CTXND1: variants seen among roughly 807,000 people sequenced by gnomAD.
CTXND1 encodes cortexin domain containing 1.
chr15:80,227,471 C>T (rs548598159), intron 1 of CTXND1, among the ~76,000 whole-genome samples: 1 of 152,190 alleles, frequency 6.6e-6, no homozygotes, highest in Non-Finnish European at 1.5e-5. Flanking sequence ...AGACATCCGG[C>T]TATATAAGGG....
chr15:80,246,811 T>C (rs1472525394), intron 1 of CTXND1, among the ~76,000 whole-genome samples: 2 of 152,196 alleles, frequency 1.3e-5, no homozygotes, highest in Non-Finnish European at 2.9e-5. Context: ...GGTTCAGGGA[T>C]CTGAGGTTGG....
At chr15:80,231,488 A>C (rs1179583781) in intron 1 of CTXND1, among the ~76,000 whole-genome samples, 2 of 152,218 alleles carry the variant, frequency 1.3e-5, no homozygotes, top group Non-Finnish European at 1.5e-5. Context: ...ACATGGCTCT[A>C]AACCATGGGA....
At chr15:80,210,165 A>G (rs983668815) in intron 1 of CTXND1, among the ~76,000 whole-genome samples, 2 of 152,158 alleles carry the variant, frequency 1.3e-5, no homozygotes, top group Admixed American at 6.5e-5. Flanking sequence ...TGGCCTCTGA[A>G]TCTCTCCAGA....
chr15:80,216,592 C>T (rs1389459909), intron 1 of CTXND1, among the ~76,000 whole-genome samples: 2 of 147,124 alleles, frequency 1.4e-5, no homozygotes, highest in East Asian at 4.0e-4. Flanking sequence ...ATCATCCAGT[C>T]CCTTCCATTA....
At chr15:80,224,394 A>G (rs1189291300) in intron 1 of CTXND1, among the ~76,000 whole-genome samples, 1 of 152,238 alleles carries the variant, frequency 6.6e-6, no homozygotes, top group Admixed American at 6.5e-5. Flanking sequence ...AGAACAGTCT[A>G]GTTATGGAAT....
intron 1 of CTXND1, among the ~76,000 whole-genome samples, chr15:80,237,491 G>A (rs1214926898): frequency 7.2e-5 from 11 of 152,120 alleles, no homozygotes; most frequent in Admixed American, 5.2e-4. Context: ...CTTCCAGTGG[G>A]ATAAGGTAAG....
intron 1 of CTXND1, among the ~76,000 whole-genome samples, chr15:80,242,177 C>A (rs959340374): frequency 1.4e-4 from 21 of 152,210 alleles, no homozygotes; most frequent in Non-Finnish European, 1.9e-4. Flanking sequence ...ATCGTGGTCA[C>A]TCTGAGTGAC....
chr15:80,231,462 C>T (rs1040040209), intron 1 of CTXND1, among the ~76,000 whole-genome samples: 6 of 151,826 alleles, frequency 4.0e-5, no homozygotes, highest in South Asian at 2.1e-4. Flanking sequence ...CAGCTAATAC[C>T]TCATTAAGGA....
At chr15:80,210,473 A>G (rs1893193153) in intron 1 of CTXND1, among the ~76,000 whole-genome samples, 1 of 152,094 alleles carries the variant, frequency 6.6e-6, no homozygotes, top group African/African-American at 2.4e-5. Flanking sequence ...GTAGGAAGAG[A>G]GGGACTTGCC....
chr15:80,241,789 C>A (rs550879584), intron 1 of CTXND1, among the ~76,000 whole-genome samples: 1 of 152,342 alleles, frequency 6.6e-6, no homozygotes, highest in South Asian at 2.1e-4. Flanking sequence ...CCCTTCCACC[C>A]ACAGCACAAT....
intron 1 of CTXND1, among the ~76,000 whole-genome samples, chr15:80,221,659 T>G (rs1893321469): frequency 6.6e-6 from 1 of 152,202 alleles, no homozygotes; most frequent in South Asian, 2.1e-4. Flanking sequence ...TAGTAACTTT[T>G]TTGTTCTTTT....
At chr15:80,228,269 A>G (rs899236180) in intron 1 of CTXND1, among the ~76,000 whole-genome samples, 6 of 152,178 alleles carry the variant, frequency 3.9e-5, no homozygotes, top group African/African-American at 1.4e-4. Context: ...ATTTCTTCCA[A>G]ACTCCTGTCA....
intron 1 of CTXND1, among the ~76,000 whole-genome samples, chr15:80,223,472 G>A (rs993626668): frequency 1.3e-5 from 2 of 152,172 alleles, no homozygotes; most frequent in Non-Finnish European, 2.9e-5. Flanking sequence ...GTGGACATTT[G>A]GGTTGTTTCT....
chr15:80,230,415 T>C (rs962637326), intron 1 of CTXND1, among the ~76,000 whole-genome samples: 1 of 152,208 alleles, frequency 6.6e-6, no homozygotes, highest in Admixed American at 6.5e-5. Flanking sequence ...TGGCCAGTCA[T>C]ACCCTTTTTT....
At chr15:80,219,320 C>G (rs770690330) in intron 1 of CTXND1, among the ~76,000 whole-genome samples, 32 of 152,014 alleles carry the variant, frequency 2.1e-4, no homozygotes, top group Non-Finnish European at 1.8e-4. Context: ...TCATTCAACT[C>G]GATGACTTTG....
At chr15:80,235,977 C>T (rs1893490825) in intron 1 of CTXND1, among the ~76,000 whole-genome samples, 1 of 148,196 alleles carries the variant, frequency 6.7e-6, no homozygotes, top group Non-Finnish European at 1.5e-5. Context: ...TATCCCTCAA[C>T]CAGCTTTCCA....
intron 1 of CTXND1, among the ~76,000 whole-genome samples, chr15:80,216,310 A>T (rs1013225744): frequency 6.6e-6 from 1 of 152,168 alleles, no homozygotes; most frequent in Admixed American, 6.5e-5. Flanking sequence ...GCGCAGCTAC[A>T]TAAATTGATT....
chr15:80,239,453 C>G (rs1310090975), intron 1 of CTXND1, among the ~76,000 whole-genome samples: 1 of 152,228 alleles, frequency 6.6e-6, no homozygotes, highest in African/African-American at 2.4e-5. Flanking sequence ...ACAATCTAAT[C>G]AGCTGCCAGC....
At chr15:80,232,449 T>TA (rs1893441651) in intron 1 of CTXND1, among the ~76,000 whole-genome samples, 1 of 152,204 alleles carries the variant, frequency 6.6e-6, no homozygotes. Context: ...TACTTAACAC[T>TA]AACAAACAGC....
Sources: gnomAD v4.1 joint callset for allele counts (sites outside exome capture counted in the v4.1 genomes callset) on GRCh38, gnomAD v4.1.1 for gene constraint, MANE v1.5 for transcripts, NCBI Gene and HGNC (gene_info 2026-07-23, HGNC 2026-07-21) for gene names.